The following CMYA5 variants were observed in gnomAD, a reference collection of about 807,000 sequenced individuals.
The protein encoded by CMYA5 is cardiomyopathy-associated protein 5.
In CMYA5, 246 loss-of-function variants were observed where a neutral mutation model predicts 318.9. The ratio of observed to expected loss-of-function variants is 0.77; its 90% CI spans 0.70 to 0.86. The LOEUF is 0.86. CMYA5 is among the 40% of genes least tolerant of loss of function. CMYA5 has a pLI of 0.00. For missense variants in CMYA5, 4,589 were observed against 4,678.2 expected (o/e 0.98, Z 0.56); for synonymous variants, 1,641 against 1,729.5 (o/e 0.95, Z 1.27).
intron 9 of CMYA5, among the ~76,000 whole-genome samples, chr5:79,770,184 A>G (rs556566370): frequency 6.6e-6 from 1 of 152,296 alleles, no homozygotes; most frequent in African/African-American, 2.4e-5. Context: ...GATTGACTTC[A>G]GACTGCTGTG....
chr5:79,745,446 C>T lies in CMYA5; in HGVS notation c.10959C>T (p.Val3653=), dbSNP rs775675843. 5.6e-6 allele frequency: 9 copies of T among 1,613,254 alleles called. No individual in the cohort carries two copies. In the East Asian group the frequency reaches 2.0e-4, roughly 36 times the overall value. Reference sequence around the variant, plus strand: ...AAGCAGAGGAGCTTGATGAGGCCGTCTTCCTGACTGTAAGTGCCAAGTAAA... The same window carrying T: ...AAGCAGAGGAGCTTGATGAGGCCGTTTTCCTGACTGTAAGTGCCAAGTAAA... ...VREAEELDEA[V]FLTSFEEINE... is the part of the protein sequence containing the mutation. Residue 3653 remains valine, a synonymous_variant, in exon 4 of 13, where the codon GTC becomes GTT. Coordinates refer to ENST00000446378, the MANE Select transcript of CMYA5 (RefSeq NM_153610.5).
chr5:79,700,578 G>C (rs1827155136), intron 1 of CMYA5, among the ~76,000 whole-genome samples: 2 of 152,306 alleles, frequency 1.3e-5, no homozygotes, highest in East Asian at 3.9e-4. Flanking sequence ...AAAATATACA[G>C]ATGTCCAGTG....
In CMYA5 at chr5:79,732,868, C is replaced by T. The variant is rs752170468; in HGVS notation, c.4103C>T (p.Ala1368Val). The T allele has an allele frequency of 1.9e-6, 3 of 1,613,566 alleles. No homozygotes were observed. The African/African-American group carries it at 4.0e-5, about 22-fold the overall frequency. ...AAGCTTGATTCAAACTTAACCAGAG[C>T]AGTAAAAGAAGAAATCCCAACAGAT... ...VTKLDSNLTR[A>V]VKEEIPTDSS... is the part of the protein sequence containing the mutation. Residue 1368 changes from alanine to valine, a missense_variant, in exon 2 of 13, where the codon GCA becomes GTA. Ala to Val is a moderately conservative substitution (Grantham distance 64, BLOSUM62 0). Coordinates refer to ENST00000446378, the MANE Select transcript of CMYA5 (RefSeq NM_153610.5).
Position 79,734,320 on chromosome 5 carries a change from A to C in CMYA5, c.5555A>C (p.Lys1852Thr), listed in dbSNP as rs765326219. Residue 1852 changes from lysine (K) to threonine (T), a missense_variant, in exon 2 of 13, where the codon AAG (lysine) becomes ACG (threonine). By Grantham distance (78) the Lys-to-Thr change is moderately conservative (BLOSUM62 -1). Transcript: ENST00000446378. ...SSEDKQDLGI[K>T]QFSLMRENLP... ...GAAGATAAACAAGATCTGGGTATTA[A>C]GCAGTTTTCACTTATGAGAGAGAAT... 2 of 1,613,906 alleles carry C rather than the reference A, an allele frequency of 1.2e-6. No individual in the cohort carries two copies. Among genetic ancestry groups the C allele is most frequent in the South Asian group, 2.2e-5 (2 of 91,076 alleles).
rs75314718 is a variant in CMYA5, at chr5:79,785,018, CT to C, written c.11556-3938del. 5.4e-3 allele frequency among the ~76,000 whole-genome samples: 771 copies of C among 141,492 alleles called. 2 individuals carry two copies. Among genetic ancestry groups the C allele is most frequent in the Middle Eastern group, 7.4e-3 (2 of 270 alleles). The allele number at this position is 141,492 out of a possible 152,430, so 92.8% of individuals were successfully genotyped here. On this transcript the variant is annotated intron_variant, in intron 9 of 12. Transcript: ENST00000446378. ...AGATTGTGTGAAGTAGGAAATCCTA[CT>C]TTTTTTTTTTTTTTAGTATGGCTAT... is the stretch of plus-strand genomic sequence containing the variant.
chr5:79,715,999 C>T (rs1473613517), intron 1 of CMYA5, among the ~76,000 whole-genome samples: 2 of 152,168 alleles, frequency 1.3e-5, no homozygotes, highest in South Asian at 2.1e-4. Flanking sequence ...ATCGTGGCAT[C>T]GCTGAGTTCT....
chr5:79,777,148 G>C (rs1280597173), intron 9 of CMYA5, among the ~76,000 whole-genome samples: 1 of 152,106 alleles, frequency 6.6e-6, no homozygotes, highest in African/African-American at 2.4e-5. Context: ...TTCTGAGCTG[G>C]TAATATAGCT....
intron 5 of CMYA5, 90 bp from the exon 6 acceptor site, chr5:79,752,586 C>G (rs1016311710): frequency 1.3e-5 from 11 of 867,518 alleles, no homozygotes; most frequent in Non-Finnish European, 2.0e-5. Context: ...CCACCACTAC[C>G]AACACCAGCT....
In CMYA5 at chr5:79,747,053, T is replaced by C. The variant is rs1295367293; in HGVS notation, c.10969-38T>C. On this transcript the variant is annotated intron_variant, in intron 4 of 12. Transcript: ENST00000446378. ...CTCTCTCTTTCTCTCTCTCTTTTTC[T>C]CTCTTCTCCTCCTCCTTCCTCTCTC... 3.3e-6 allele frequency: 4 copies of C among 1,206,310 alleles called. No homozygotes were observed. The African/African-American group carries it at 4.6e-5, about 14-fold the overall frequency. The allele number at this position is 1,206,310 out of a possible 1,614,324, so 74.7% of individuals were successfully genotyped here. A position where few individuals can be genotyped will look rare whatever the true frequency, so the allele number is the denominator to read the frequency against.
chr5:79,738,341 A>G lies in CMYA5; in HGVS notation c.9576A>G (p.Leu3192=), dbSNP rs754088257. ...AGGAGCCACCTGCACTTGCATTTTT[A>G]TATAAGGATCTGTATGAAGAAGCAG... ...FLEEPPALAF[L]YKDLYEEAVG... is the part of the protein sequence containing the mutation. Residue 3192 remains leucine, a synonymous_variant, in exon 2 of 13, where the codon TTA becomes TTG. Coordinates refer to ENST00000446378, the MANE Select transcript of CMYA5 (RefSeq NM_153610.5). The G allele has an allele frequency of 6.2e-7, 1 of 1,613,720 alleles. No homozygotes were observed.
At chr5:79,749,216 T>C (rs1318742979) in intron 5 of CMYA5, among the ~76,000 whole-genome samples, 1 of 152,146 alleles carries the variant, frequency 6.6e-6, no homozygotes, top group South Asian at 2.1e-4. Flanking sequence ...TATTTTCCTG[T>C]AAAGAAAAAA....
At chr5:79,789,589 A>G (rs1429141721) in intron 10 of CMYA5, among the ~76,000 whole-genome samples, 1 of 151,516 alleles carries the variant, frequency 6.6e-6, no homozygotes, top group Non-Finnish European at 1.5e-5. Flanking sequence ...ATGCCTGGCT[A>G]ATTTTTGGAT....
In CMYA5 at chr5:79,736,377, G is replaced by A. The variant is rs745319116; in HGVS notation, c.7612G>A (p.Gly2538Ser). Residue 2538 changes from glycine (G) to serine (S), a missense_variant, in exon 2 of 13, where the codon GGT becomes AGT. Gly to Ser is a moderately conservative substitution (Grantham distance 56). Around this residue, in one of 3 missense-constraint regions of CMYA5, gnomAD observed 2,431 missense variants for 2,495.1 expected, o/e 0.97. Transcript: ENST00000446378. ...KIIVGSEKEK[G>S]EEKENQVYVL... ...CATTGTTGGTTCTGAAAAGGAGAAA[G>A]GTGAAGAAAAAGAAAATCAGGTATA... 2 of 1,612,820 alleles carry A rather than the reference G, an allele frequency of 1.2e-6. No homozygotes were observed. Among genetic ancestry groups the A allele is most frequent in the East Asian group, 2.2e-5 (1 of 44,838 alleles).
intron 2 of CMYA5, among the ~76,000 whole-genome samples, chr5:79,742,858 G>A (rs1022373297): frequency 2.6e-5 from 4 of 152,190 alleles, no homozygotes; most frequent in South Asian, 2.1e-4. Flanking sequence ...GGAGTGAAAC[G>A]GTGGGGTAGG....
chr5:79,732,033 G>A lies in CMYA5; in HGVS notation c.3268G>A (p.Ala1090Thr). Residue 1090 changes from alanine to threonine, a missense_variant, in exon 2 of 13, where the codon GCA (alanine) becomes ACA (threonine). Ala to Thr is a moderately conservative substitution (Grantham distance 58). This residue lies in a region of CMYA5 where 2,132 missense variants were observed against 2,131.3 expected (regional missense o/e 1.00). Coordinates refer to ENST00000446378, the MANE Select transcript of CMYA5 (RefSeq NM_153610.5). ...GCCTTCAACAGATAAATCAGAGAAA[G>A]CAGAAATTAAGCCAGAGATTCCAAC... is the stretch of plus-strand genomic sequence containing the variant. ...LPPSTDKSEKAEIKPEIPTTS... is the reference protein window; with the variant it reads ...LPPSTDKSEKTEIKPEIPTTS... The A allele has an allele frequency of 6.2e-7, 1 of 1,613,972 alleles. No individual in the cohort carries two copies. The highest frequency in any genetic ancestry group is 8.5e-7 in the Non-Finnish European group (1 of 1,179,878).
At chr5:79,777,359 C>G (rs1828956688) in intron 9 of CMYA5, among the ~76,000 whole-genome samples, 1 of 152,170 alleles carries the variant, frequency 6.6e-6, no homozygotes, top group Non-Finnish European at 1.5e-5. Flanking sequence ...ATACAAACAT[C>G]TACAGTTTTT....
intron 1 of CMYA5, among the ~76,000 whole-genome samples, chr5:79,724,514 G>T (rs148985511): frequency 6.6e-6 from 1 of 152,120 alleles, no homozygotes; most frequent in Non-Finnish European, 1.5e-5. Context: ...CTTGCTCAAC[G>T]CTGAAAGTGT....
chr5:79,706,341 A>G (rs965858315), intron 1 of CMYA5, among the ~76,000 whole-genome samples: 1 of 152,172 alleles, frequency 6.6e-6, no homozygotes, highest in Non-Finnish European at 1.5e-5. Context: ...TGCATCTGTA[A>G]TTTCTAACAG....
chr5:79,747,002 T>C, intron 4 of CMYA5, 89 bp from the exon 5 acceptor site: 1 of 818,962 alleles, frequency 1.2e-6, no homozygotes, highest in Non-Finnish European at 2.0e-6. Flanking sequence ...CTGGTTGTTT[T>C]TTCTTTCTGT....
Sources: allele counts gnomAD v4.1 joint callset (sites outside exome capture counted in the v4.1 genomes callset), GRCh38; gene constraint gnomAD v4.1.1; regional missense constraint gnomAD v4.1.1; transcripts MANE v1.5; gene names NCBI Gene and HGNC (gene_info 2026-07-23, HGNC 2026-07-21).